Variants in SEC14L4 observed in about 807,000 individuals in gnomAD.
The protein encoded by SEC14L4 is SEC14 like lipid binding 4.
SEC14L4 carries 42 observed loss-of-function variants against 55.1 expected under a neutral mutation model. That is an observed-to-expected ratio of 0.76 (90% CI 0.60 to 0.99). The LOEUF (loss-of-function observed/expected upper bound fraction) is 0.99. SEC14L4 is among the 50% of genes least tolerant of loss of function. The pLI, the probability that SEC14L4 is intolerant of heterozygous loss-of-function variation, is 0.00. For synonymous variants in SEC14L4, 206 were observed against 206.8 expected, an observed-to-expected ratio of 1.00 and a Z score of 0.03; for missense variants, 445 against 512.1, an observed-to-expected ratio of 0.87 and a Z score of 1.27.
chr22:30,503,583 C>T, intron 2 of SEC14L4, 94 bp downstream of exon 2: 1 of 887,218 alleles, frequency 1.1e-6, no homozygotes, highest in Non-Finnish European at 1.8e-6. Context: ...CTTTACTACC[C>T]TACAGCTCCA....
At chr22:30,496,098 T>C in intron 2 of SEC14L4, 127 bp from the exon 3 acceptor site, 1 of 673,900 alleles carries the variant, frequency 1.5e-6, no homozygotes, top group Admixed American at 2.8e-5. Context: ...ACATTGAACA[T>C]CTAGAAATGG....
chr22:30,489,753 A>T lies in SEC14L4; in HGVS notation c.*354T>A. On this transcript the variant is annotated 3_prime_UTR_variant, in exon 12 of 12. Transcript: ENST00000255858. Reference sequence around the variant, plus strand: ...CACGCACACCCCCTGAAGCTGGAACACCAGGCATGGGTGAGTCCTGGGTGG... The same window carrying T: ...CACGCACACCCCCTGAAGCTGGAACTCCAGGCATGGGTGAGTCCTGGGTGG... The T allele has an allele frequency of 9.7e-7, 1 of 1,033,854 alleles. No homozygotes were observed. Among genetic ancestry groups the T allele is most frequent in the Non-Finnish European group, 1.5e-6 (1 of 676,268 alleles). 64.0% of individuals were successfully genotyped at this position (1,033,854 alleles called of 1,614,324 possible).
intron 2 of SEC14L4, among the ~76,000 whole-genome samples, chr22:30,496,365 C>T (rs1391158636): frequency 6.6e-6 from 1 of 152,016 alleles, no homozygotes; most frequent in Non-Finnish European, 1.5e-5. Context: ...CTCAAGCAGT[C>T]CTCCCACCTC....
At chr22:30,501,906 T>G (rs1936342987) in intron 2 of SEC14L4, among the ~76,000 whole-genome samples, 1 of 144,836 alleles carries the variant, frequency 6.9e-6, no homozygotes, top group Non-Finnish European at 1.5e-5. Flanking sequence ...TAAGACAGAG[T>G]CTTGCTTTGT....
intron 2 of SEC14L4, 94 bp from the exon 3 acceptor site, chr22:30,496,065 C>G (rs963320146): frequency 3.2e-6 from 3 of 939,252 alleles, no homozygotes; most frequent in Non-Finnish European, 5.0e-6. Flanking sequence ...GTGTCCCCAG[C>G]CTTTTCCTGA....
At chr22:30,490,417 A>G in intron 11 of SEC14L4, 171 bp from the exon 12 acceptor site, 1 of 1,061,476 alleles carries the variant, frequency 9.4e-7, no homozygotes, top group South Asian at 1.6e-5. Context: ...GTGGGGCCTG[A>G]GGGCCAGCCT....
chr22:30,496,290 A>AT (rs35492080), intron 2 of SEC14L4, among the ~76,000 whole-genome samples: 120 of 146,178 alleles, frequency 8.2e-4, no homozygotes, highest in South Asian at 4.6e-3. Flanking sequence ...TTTTTTTTAG[A>AT]TTTTTTTTTT....
intron 7 of SEC14L4, among the ~76,000 whole-genome samples, chr22:30,493,056 C>A (rs1239805277): frequency 6.9e-6 from 1 of 145,724 alleles, no homozygotes; most frequent in African/African-American, 2.6e-5. Flanking sequence ...TGCACTCCAG[C>A]CTGGGTGAGA....
At chr22:30,499,895 A>G (rs909643177) in intron 2 of SEC14L4, among the ~76,000 whole-genome samples, 5 of 149,114 alleles carry the variant, frequency 3.4e-5, no homozygotes, top group African/African-American at 1.0e-4. Context: ...TTTGAGACAG[A>G]GTCTCTCTCT....
chr22:30,494,041 G>C lies in SEC14L4; in HGVS notation c.580+109C>G, dbSNP rs1166492478. ...ACCAGAAACCAACCACACAAAACCT[G>C]GTTCTTCACAAAGGATGGGTGAAGA... On this transcript the variant is annotated intron_variant, in intron 7 of 11. Coordinates refer to ENST00000255858, the MANE Select transcript of SEC14L4 (RefSeq NM_174977.4). 21 of 812,464 alleles carry C rather than the reference G, an allele frequency of 2.6e-5. No homozygotes were observed. The East Asian group carries it at 5.0e-4, about 19-fold the overall frequency. 50.3% of individuals were successfully genotyped at this position (812,464 alleles called of 1,614,324 possible).
chr22:30,489,706 G>T lies in SEC14L4; in HGVS notation c.*401C>A. 1 of 693,232 alleles carries T rather than the reference G, an allele frequency of 1.4e-6. No homozygotes were observed. The highest frequency in any genetic ancestry group is 2.6e-6 in the Non-Finnish European group (1 of 390,676). 42.9% of individuals were successfully genotyped at this position (693,232 alleles called of 1,614,324 possible). ...CTCTGCTCTTCAGGCCTGAAGCTGT[G>T]ATGTCCACAGGACCTAGGAACCACG... On this transcript the variant is annotated 3_prime_UTR_variant, in exon 12 of 12. Coordinates refer to ENST00000255858, the MANE Select transcript of SEC14L4 (RefSeq NM_174977.4).
rs377230982 is a variant in SEC14L4 at position 30,490,209 on chromosome 22, A to G, written c.1119T>C (p.His373=). Residue 373 remains histidine (H), a synonymous_variant, in exon 12 of 12, where the codon CAT becomes CAC. Transcript: ENST00000255858. ...CCACAGTGTAGCTGAGCTTCTTGGC[A>G]TGCATCCGGCTGTAGGTGTTGTCGA... ...LRFDNTYSRM[H]AKKLSYTVEV... is the part of the protein sequence containing the mutation. 30 of 1,613,976 alleles carry G rather than the reference A, an allele frequency of 1.9e-5. No individual in the cohort carries two copies. The highest frequency in any genetic ancestry group is 2.4e-5 in the Non-Finnish European group (28 of 1,180,044).
At chr22:30,490,407 G>T (rs754331205) in intron 11 of SEC14L4, 161 bp from the exon 12 acceptor site, 2 of 1,213,744 alleles carry the variant, frequency 1.6e-6, no homozygotes, top group Non-Finnish European at 2.3e-6. Context: ...AGGACAGTGG[G>T]TGGGGCCTGA....
At chr22:30,505,023 T>C (rs1936446876) in intron 1 of SEC14L4, among the ~76,000 whole-genome samples, 1 of 151,204 alleles carries the variant, frequency 6.6e-6, no homozygotes, top group Non-Finnish European at 1.5e-5. Flanking sequence ...CCCCAGCTAC[T>C]TGGGAGGCTG....
intron 2 of SEC14L4, among the ~76,000 whole-genome samples, chr22:30,496,279 A>AT (rs1004622851): frequency 2.1e-5 from 3 of 145,694 alleles, no homozygotes; most frequent in Admixed American, 7.0e-5. Flanking sequence ...TGCCTGGCTA[A>AT]TTTTTTTTAG....
chr22:30,503,736 T>G lies in SEC14L4; in HGVS notation c.71A>C (p.Gln24Pro). The G allele has an allele frequency of 6.2e-7, 1 of 1,612,158 alleles. No homozygotes were observed. Among genetic ancestry groups the G allele is most frequent in the Non-Finnish European group, 8.5e-7 (1 of 1,178,778 alleles). The change falls in exon 2 of 12, where the codon CAG becomes CCG. Residue 24 changes from glutamine (Q) to proline (P), a missense_variant. Physicochemically the swap from Gln to Pro is moderately conservative, Grantham distance 76. Transcript: ENST00000255858. ...ATTGGGCAGTATGGGCAGCAGGTCC[T>G]GGAGGTTCTCCCGGAACTGAGCGGA... ...EALARFRENLQDLLPILPNAD... is the reference protein window; with the variant it reads ...EALARFRENLPDLLPILPNAD...
chr22:30,492,805 C>T, intron 7 of SEC14L4: 1 of 438,698 alleles, frequency 2.3e-6, no homozygotes, highest in Non-Finnish European at 4.2e-6. Context: ...TGTCTCAGGC[C>T]AGGCGCAGTG....
At chr22:30,494,819 C>A in intron 6 of SEC14L4, 47 bp downstream of exon 6, 1 of 1,266,248 alleles carries the variant, frequency 7.9e-7, no homozygotes. Context: ...GGGCTCACAG[C>A]TGGGAGCCAC....
rs765740116 is a variant in SEC14L4 at position 30,495,264 on chromosome 22, TGCAGCTCACACTCATGCAACA to T, written c.392_412del (p.Leu131_Leu137del). The T allele has an allele frequency of 2.5e-6, 4 of 1,610,188 alleles. No homozygotes were observed. In the African/African-American group the frequency reaches 5.3e-5, roughly 21 times the overall value. ...ACCCCCGCTGCTCACCTTCTGAGTT[TGCAGCTCACACTCATGCAACA>T]GCAGCTCACAGACTTTGATGCGCTT... On this transcript the variant is annotated inframe_deletion, in exon 5 of 12. Transcript: ENST00000255858.
Sources: gnomAD v4.1 joint callset for allele counts (sites outside exome capture counted in the v4.1 genomes callset) on GRCh38, gnomAD v4.1.1 for gene constraint, MANE v1.5 for transcripts, NCBI Gene and HGNC (gene_info 2026-07-23, HGNC 2026-07-21) for gene names.